Variants in KLRG2 observed in about 807,000 individuals in gnomAD.
KLRG2 encodes killer cell lectin-like receptor subfamily G member 2.
KLRG2 carries 39 observed loss-of-function variants against 35.4 expected under a neutral mutation model. That is an observed-to-expected ratio of 1.10 (90% CI 0.85 to 1.44). The LOEUF (loss-of-function observed/expected upper bound fraction) is 1.44. Ranked by LOEUF, KLRG2 falls within the 40% of genes most tolerant of loss-of-function variation. KLRG2 has a pLI of 0.00. For missense variants in KLRG2, 632 were observed against 570.9 expected (o/e 1.11, Z -1.09); for synonymous variants, 283 against 265.8 (o/e 1.06, Z -0.63).
the KLRG2 span, among the ~76,000 whole-genome samples, chr7:139,434,232 ATATT>A: frequency 6.6e-6 from 1 of 152,254 alleles, no homozygotes; most frequent in Non-Finnish European, 1.5e-5. Flanking sequence ...CCGCGTCTAA[ATATT>A]TAAGATTCCA....
chr7:139,430,057 A>G, the KLRG2 span, among the ~76,000 whole-genome samples: 9 of 152,232 alleles, frequency 5.9e-5, no homozygotes, highest in African/African-American at 9.6e-5. Flanking sequence ...AAATATTCAG[A>G]TGGCCGTTGA....
At chr7:139,435,119 G>T in the KLRG2 span, among the ~76,000 whole-genome samples, 1 of 152,160 alleles carries the variant, frequency 6.6e-6, no homozygotes. Flanking sequence ...GGCAAAACCT[G>T]TAAGAGATGC....
At chr7:139,474,755 T>C (rs982595229) in intron 3 of KLRG2, among the ~76,000 whole-genome samples, 2 of 152,030 alleles carry the variant, frequency 1.3e-5, no homozygotes, top group African/African-American at 4.8e-5. Flanking sequence ...AGTGAAACTT[T>C]GTCTCAAAAA....
intron 3 of KLRG2, among the ~76,000 whole-genome samples, chr7:139,471,579 T>C (rs1027357743): frequency 6.6e-6 from 1 of 152,086 alleles, no homozygotes; most frequent in African/African-American, 2.4e-5. Context: ...GAGGATCACT[T>C]GAACCTGGGA....
At chr7:139,445,355 T>TC in the KLRG2 span, among the ~76,000 whole-genome samples, 5 of 152,320 alleles carry the variant, frequency 3.3e-5, no homozygotes, top group Non-Finnish European at 7.3e-5. Context: ...GTGCTGGGAT[T>TC]ACAGGCGTGA....
chr7:139,435,149 CCTTT>C, the KLRG2 span, among the ~76,000 whole-genome samples: 1 of 152,084 alleles, frequency 6.6e-6, no homozygotes, highest in African/African-American at 2.4e-5. Context: ...ATAATGGCTA[CCTTT>C]CTTAAAAAAA....
chr7:139,439,832 A>C, the KLRG2 span, among the ~76,000 whole-genome samples: 1 of 152,302 alleles, frequency 6.6e-6, no homozygotes, highest in Non-Finnish European at 1.5e-5. Flanking sequence ...TAAACAACAG[A>C]ACTTTTTTTC....
rs371142213 is a variant in KLRG2, at chr7:139,465,417, G to A, written c.1006-11203C>T. On this transcript the variant is annotated intron_variant, in intron 3 of 4. Coordinates refer to ENST00000340940, the MANE Select transcript of KLRG2 (RefSeq NM_198508.4). ...TTCCAAAGGAGGCTAGAGTCACCGG[G>A]CGCGGTGGCTCACGCCTGTAATTCC... Among the ~76,000 whole-genome samples the A allele has an allele frequency of 7.2e-4, 110 of 152,286 alleles. No homozygotes were observed. In the South Asian group the frequency reaches 0.02, roughly 28 times the overall value.
intron 3 of KLRG2, among the ~76,000 whole-genome samples, chr7:139,476,013 A>G (rs578235995): frequency 1.3e-4 from 20 of 152,090 alleles, no homozygotes; most frequent in South Asian, 4.1e-4. Flanking sequence ...GTTGTGTAAG[A>G]GCAGAGGAAA....
At chr7:139,427,741 C>T in the KLRG2 span, among the ~76,000 whole-genome samples, 17 of 152,266 alleles carry the variant, frequency 1.1e-4, no homozygotes, top group African/African-American at 1.7e-4. Context: ...CAGAACCTCT[C>T]GCAACCTTTT....
At chr7:139,466,094 C>CT (rs1796648962) in intron 3 of KLRG2, among the ~76,000 whole-genome samples, 1 of 152,198 alleles carries the variant, frequency 6.6e-6, no homozygotes, top group African/African-American at 2.4e-5. Flanking sequence ...AAAAAAATCT[C>CT]AGTGTTCCAT....
rs751249540 is a variant in KLRG2, at chr7:139,483,625, C to A, written c.18G>T (p.Glu6Asp). 2.6e-6 allele frequency: 4 copies of A among 1,558,326 alleles called. No individual in the cohort carries two copies. The highest frequency in any genetic ancestry group is 4.7e-5 in the East Asian group (2 of 42,274). Residue 6 changes from glutamate (E) to aspartate (D), a missense_variant, in exon 1 of 5, where the codon GAG becomes GAT. Coordinates refer to ENST00000340940, the MANE Select transcript of KLRG2 (RefSeq NM_198508.4). MEESW[E>D]AAPGGQAGAE... The stretch of plus-strand genomic sequence containing the variant: ...CCCCGGCTTGGCCTCCGGGCGCAGC[C>A]TCCCAAGACTCCTCCATCCCGCGCG...
chr7:139,428,484 C>T, the KLRG2 span, among the ~76,000 whole-genome samples: 1 of 152,052 alleles, frequency 6.6e-6, no homozygotes, highest in Non-Finnish European at 1.5e-5. Flanking sequence ...GTCTCAAACC[C>T]CTGAGCTCAA....
chr7:139,456,727 T>A (rs1457060674), intron 3 of KLRG2, among the ~76,000 whole-genome samples: 1 of 152,218 alleles, frequency 6.6e-6, no homozygotes, highest in African/African-American at 2.4e-5. Flanking sequence ...GCTCAAGCGA[T>A]GCTCCCACCT....
At chr7:139,428,272 G>T in the KLRG2 span, among the ~76,000 whole-genome samples, 2 of 152,050 alleles carry the variant, frequency 1.3e-5, no homozygotes, top group Admixed American at 6.5e-5. Context: ...TTCAGACAGG[G>T]TCTCACCATG....
At chr7:139,429,725 G>T in the KLRG2 span, among the ~76,000 whole-genome samples, 1 of 152,206 alleles carries the variant, frequency 6.6e-6, no homozygotes, top group Non-Finnish European at 1.5e-5. Flanking sequence ...CAAGGCAGAA[G>T]AATTGTTCTT....
downstream of KLRG2, among the ~76,000 whole-genome samples, chr7:139,451,855 G>A (rs1796381336): frequency 6.6e-6 from 1 of 152,124 alleles, no homozygotes; most frequent in African/African-American, 2.4e-5. Flanking sequence ...CACATGGCAG[G>A]GGATGGGGGC....
At chr7:139,449,131 G>A (rs562086262), downstream of KLRG2, among the ~76,000 whole-genome samples, 2 of 150,680 alleles carry the variant, frequency 1.3e-5, no homozygotes, top group South Asian at 4.2e-4. Flanking sequence ...GTTGGGCGTG[G>A]TGGCTCACGC....
chr7:139,448,226 G>A (rs1263073962), downstream of KLRG2, among the ~76,000 whole-genome samples: 1 of 151,884 alleles, frequency 6.6e-6, no homozygotes, highest in Non-Finnish European at 1.5e-5. Flanking sequence ...AAACTCCTGG[G>A]CTCAAGCGAT....
Sources: allele counts gnomAD v4.1 joint callset (sites outside exome capture counted in the v4.1 genomes callset), GRCh38; gene constraint gnomAD v4.1.1; transcripts MANE v1.5; gene names NCBI Gene and HGNC (gene_info 2026-07-23, HGNC 2026-07-21).